Variants in MAP2 observed in about 807,000 individuals in gnomAD.
The protein encoded by MAP2 is microtubule associated protein 2, also known as microtubule-associated protein 2.
Under a neutral mutation model 137.6 loss-of-function variants are expected in MAP2, and 14 were observed. That is an observed-to-expected ratio of 0.10 (90% CI 0.07 to 0.16). The LOEUF (loss-of-function observed/expected upper bound fraction) is 0.16, where lower values mean the gene tolerates loss of function less well. Among genes scored for constraint, MAP2 ranks in the 10% least tolerant of loss-of-function variants. The pLI is 1.00. For missense variants in MAP2, 2,088 were observed against 2,191.5 expected, an observed-to-expected ratio of 0.95 and a Z score of 0.94; for synonymous variants, 786 against 782.3, an observed-to-expected ratio of 1.00 and a Z score of -0.08.
intron 5 of MAP2, among the ~76,000 whole-genome samples, chr2:209,672,544 A>G (rs2049292751): frequency 6.6e-6 from 1 of 151,872 alleles, no homozygotes; most frequent in Non-Finnish European, 1.5e-5. Flanking sequence ...GGTTAGAGAG[A>G]TTGTTACTTA....
intron 2 of MAP2, among the ~76,000 whole-genome samples, chr2:209,573,298 GTT>G (rs71043941): frequency 1.5e-4 from 18 of 120,062 alleles, no homozygotes; most frequent in African/African-American, 3.3e-4. Flanking sequence ...TTCTTTTTCT[GTT>G]TTTTTTTTTT....
chr2:209,636,352 G>A (rs947997688), intron 4 of MAP2, among the ~76,000 whole-genome samples: 1 of 152,084 alleles, frequency 6.6e-6, no homozygotes, highest in Non-Finnish European at 1.5e-5. Flanking sequence ...AACACAGACA[G>A]ACTGCTGTGG....
In MAP2 at chr2:209,668,037, C is replaced by T. The variant is rs3768831; in HGVS notation, c.263-10535C>T. Among the ~76,000 whole-genome samples, 11 of 151,990 alleles carry T rather than the reference C, an allele frequency of 7.2e-5. No individual in the cohort carries two copies. The East Asian group carries it at 2.1e-3, about 29-fold the overall frequency. ...TGTTCTTACATTTTTCTCAACTCTA[C>T]CACTCCATCAAATTTTATCTACCTT... is the stretch of plus-strand genomic sequence containing the variant. On this transcript the variant is annotated intron_variant, in intron 5 of 15. Transcript: ENST00000682079.
chr2:209,645,855 G>A (rs1010475612), intron 4 of MAP2, among the ~76,000 whole-genome samples: 32 of 152,026 alleles, frequency 2.1e-4, no homozygotes, highest in African/African-American at 7.2e-4. Flanking sequence ...AGAAAATAAG[G>A]GAACAGATGT....
rs774118142 is a variant in MAP2, at chr2:209,693,184, G to A, written c.1014G>A (p.Ser338=). 2.7e-5 allele frequency: 44 copies of A among 1,610,030 alleles called. No homozygotes were observed. The African/African-American group carries it at 4.6e-4, about 17-fold the overall frequency. ...AGAATGAAATAGTTACAGAAACATC[G>A]CCCTTTGCCCCTGCCTTTTTACAGC... is the stretch of plus-strand genomic sequence containing the variant. ...VMKNEIVTET[S]PFAPAFLQPD... is the part of the protein sequence containing the mutation. Residue 338 remains serine, a synonymous_variant, in exon 8 of 16, where the codon TCG becomes TCA. Coordinates refer to ENST00000682079, the MANE Select transcript of MAP2 (RefSeq NM_001375505.1).
intron 3 of MAP2, among the ~76,000 whole-genome samples, chr2:209,588,906 T>C (rs535758525): frequency 1.6e-4 from 24 of 152,316 alleles, no homozygotes; most frequent in Middle Eastern, 6.8e-3. Flanking sequence ...CGAAACATTT[T>C]AAAAATCATA....
At chr2:209,678,485 T>C in intron 5 of MAP2, 87 bp from the exon 6 acceptor site, 1 of 523,482 alleles carries the variant, frequency 1.9e-6, no homozygotes, top group Non-Finnish European at 3.3e-6. Flanking sequence ...AATGAAATTA[T>C]AATCCACTAT....
chr2:209,479,465 T>C (rs1428109502), intron 1 of MAP2, among the ~76,000 whole-genome samples: 1 of 152,180 alleles, frequency 6.6e-6, no homozygotes, highest in Non-Finnish European at 1.5e-5. Context: ...GATACATTTT[T>C]GATCAATTGT....
At chr2:209,528,021 C>T (rs891834360) in intron 2 of MAP2, among the ~76,000 whole-genome samples, 30 of 152,240 alleles carry the variant, frequency 2.0e-4, no homozygotes, top group African/African-American at 6.7e-4. Context: ...AGGGGCTTAA[C>T]ATTTATTTAT....
At chr2:209,640,046 T>C (rs539876114) in intron 4 of MAP2, among the ~76,000 whole-genome samples, 45 of 152,246 alleles carry the variant, frequency 3.0e-4, no homozygotes, top group South Asian at 1.2e-3. Context: ...AAAACAAAAA[T>C]GTAGGATTTG....
Position 209,696,645 on chromosome 2 carries a change from A to G in MAP2, c.4284A>G (p.Glu1428=). ...RRSSLEKHRK[E]KPFKTGRGRI... ...CATCTCTTGAGAAACATAGAAAAGA[A>G]AAGCCTTTTAAAACCGGGAGAGGCA... The change falls in exon 9 of 16, where the codon GAA becomes GAG. Residue 1428 remains glutamate (E), a synonymous_variant. Coordinates refer to ENST00000682079, the MANE Select transcript of MAP2 (RefSeq NM_001375505.1). The G allele has an allele frequency of 1.2e-6, 2 of 1,613,958 alleles. No homozygotes were observed. The highest frequency in any genetic ancestry group is 1.3e-5 in the African/African-American group (1 of 75,042).
chr2:209,493,326 C>G (rs930600532), intron 1 of MAP2, among the ~76,000 whole-genome samples: 2 of 152,188 alleles, frequency 1.3e-5, no homozygotes, highest in African/African-American at 4.8e-5. Flanking sequence ...CCATAAAAAC[C>G]CTAGAAGAAA....
At chr2:209,503,012 T>C (rs368673938) in intron 1 of MAP2, among the ~76,000 whole-genome samples, 3 of 140,590 alleles carry the variant, frequency 2.1e-5, no homozygotes, top group African/African-American at 7.5e-5. Context: ...TTTTTTTTTT[T>C]TTTTCTGAGA....
At chr2:209,613,531 T>C (rs1299107846) in intron 3 of MAP2, among the ~76,000 whole-genome samples, 2 of 152,284 alleles carry the variant, frequency 1.3e-5, no homozygotes, top group African/African-American at 4.8e-5. Context: ...GAGCACACAG[T>C]GCAGGTTGCT....
intron 3 of MAP2, among the ~76,000 whole-genome samples, chr2:209,607,865 C>T (rs1180452640): frequency 6.6e-6 from 1 of 152,210 alleles, no homozygotes; most frequent in Non-Finnish European, 1.5e-5. Flanking sequence ...GCTAATATTT[C>T]TAACTACCAC....
At chr2:209,637,903 C>G (rs2093697325) in intron 4 of MAP2, among the ~76,000 whole-genome samples, 1 of 151,794 alleles carries the variant, frequency 6.6e-6, no homozygotes, top group African/African-American at 2.4e-5. Flanking sequence ...TTGGCTAGGT[C>G]CTATTTACCT....
At chr2:209,692,319 A>G (rs1223315483) in intron 7 of MAP2, among the ~76,000 whole-genome samples, 2 of 146,022 alleles carry the variant, frequency 1.4e-5, no homozygotes, top group African/African-American at 5.0e-5. Flanking sequence ...TACACATCAC[A>G]TAATGTTTAG....
At chr2:209,686,633 C>T (rs2057119422) in intron 7 of MAP2, among the ~76,000 whole-genome samples, 1 of 152,172 alleles carries the variant, frequency 6.6e-6, no homozygotes, top group South Asian at 2.1e-4. Flanking sequence ...CATCAGAAGC[C>T]AAGTGCTCAC....
At chr2:209,552,817 C>T (rs913713549) in intron 2 of MAP2, among the ~76,000 whole-genome samples, 4 of 151,834 alleles carry the variant, frequency 2.6e-5, no homozygotes, top group Non-Finnish European at 4.4e-5. Context: ...GCCAAGATCG[C>T]GCCACTGCAC....
Sources: allele counts gnomAD v4.1 joint callset (sites outside exome capture counted in the v4.1 genomes callset), GRCh38; gene constraint gnomAD v4.1.1; transcripts MANE v1.5; gene names NCBI Gene and HGNC (gene_info 2026-07-23, HGNC 2026-07-21).